Variants in LINGO2 observed in about 807,000 individuals in gnomAD.
The protein encoded by LINGO2 is leucine rich repeat and Ig domain containing 2.
LINGO2 carries 14 observed loss-of-function variants against 30.6 expected under a neutral mutation model. The ratio of observed to expected loss-of-function variants is 0.46; its 90% CI spans 0.30 to 0.72. The LOEUF is 0.72. Ranked by LOEUF, LINGO2 falls within the 30% of genes least tolerant of loss-of-function variation. The probability of loss-of-function intolerance (pLI) is 0.07; values close to 1 mark genes in which losing one functional copy is unlikely to be tolerated. For synonymous variants in LINGO2, 317 were observed against 288.5 expected (o/e 1.10, Z -1.00); for missense variants, 729 against 751.7 (o/e 0.97, Z 0.35).
intron 1 of LINGO2, among the ~76,000 whole-genome samples, chr9:28,631,830 T>G (rs978215635): frequency 6.6e-6 from 1 of 152,142 alleles, no homozygotes; most frequent in Non-Finnish European, 1.5e-5. Context: ...CACCTGTTAA[T>G]AAACTGGTGG....
At chr9:29,195,345 T>TTGTG in the LINGO2 span, among the ~76,000 whole-genome samples, 3 of 150,426 alleles carry the variant, frequency 2.0e-5, no homozygotes, top group African/African-American at 7.3e-5. Flanking sequence ...CACTTTAATA[T>TTGTG]TGTGTGTGTG....
intron 2 of LINGO2, among the ~76,000 whole-genome samples, chr9:28,380,257 AACAT>A (rs1821296657): frequency 1.3e-5 from 2 of 152,086 alleles, no homozygotes; most frequent in Non-Finnish European, 2.9e-5. Flanking sequence ...TGTACCTGGC[AACAT>A]ACAGATAAGA....
intron 1 of LINGO2, among the ~76,000 whole-genome samples, chr9:28,548,555 T>G (rs1822076121): frequency 6.6e-6 from 1 of 151,430 alleles, no homozygotes; most frequent in Admixed American, 6.6e-5. Flanking sequence ...AATACAAAAA[T>G]TAGCCAGGTG....
At chr9:28,820,906 A>T in the LINGO2 span, among the ~76,000 whole-genome samples, 1 of 152,200 alleles carries the variant, frequency 6.6e-6, no homozygotes, top group Non-Finnish European at 1.5e-5. Context: ...ACCCACACAC[A>T]CACTTGGTAA....
chr9:29,002,028 T>G, the LINGO2 span, among the ~76,000 whole-genome samples: 1 of 152,050 alleles, frequency 6.6e-6, no homozygotes, highest in Non-Finnish European at 1.5e-5. Flanking sequence ...CTTCTGTTTC[T>G]TATTTCTACA....
intron 1 of LINGO2, among the ~76,000 whole-genome samples, chr9:28,589,891 T>C (rs62560661): frequency 0.18 from 27,719 of 152,082 alleles, 2,858 homozygotes; most frequent in Admixed American, 0.29. Context: ...TCACACTACC[T>C]GACTTCAAAA....
the LINGO2 span, among the ~76,000 whole-genome samples, chr9:28,717,634 T>A: frequency 6.6e-6 from 1 of 152,168 alleles, no homozygotes; most frequent in Non-Finnish European, 1.5e-5. Flanking sequence ...TAGACACATA[T>A]AGAAACTAAT....
Position 27,968,540 on chromosome 9 carries a change from T to C in LINGO2, c.-35-17834A>G, listed in dbSNP as rs79824003. Among the ~76,000 whole-genome samples, 2,521 of 152,078 alleles carry C rather than the reference T, an allele frequency of 0.017. 127 individuals are homozygous for C. The East Asian group carries it at 0.19, about 11-fold the overall frequency. On this transcript the variant is annotated intron_variant, in intron 5 of 5. Transcript: ENST00000379992. ...AAAGGAAATATGCCAAACTTTAAAG[T>C]GTTAGATTGTGCTATAGGTATTAGT...
At chr9:28,839,582 A>G in the LINGO2 span, among the ~76,000 whole-genome samples, 4 of 152,148 alleles carry the variant, frequency 2.6e-5, no homozygotes, top group Non-Finnish European at 4.4e-5. Context: ...CACAATGGGT[A>G]GCTCCTTTCT....
chr9:29,119,885 TTTTC>T, the LINGO2 span, among the ~76,000 whole-genome samples: 1 of 152,108 alleles, frequency 6.6e-6, no homozygotes, highest in Non-Finnish European at 1.5e-5. Flanking sequence ...TTATACTTTG[TTTTC>T]AACCATAATA....
chr9:27,986,596 C>T (rs369753132), intron 5 of LINGO2, among the ~76,000 whole-genome samples: 3 of 151,870 alleles, frequency 2.0e-5, no homozygotes, highest in African/African-American at 7.2e-5. Flanking sequence ...TGCTCTTGCA[C>T]GAGAATGCAC....
chr9:27,960,219 T>C (rs974876645), intron 5 of LINGO2, among the ~76,000 whole-genome samples: 5 of 152,320 alleles, frequency 3.3e-5, no homozygotes, highest in Non-Finnish European at 5.9e-5. Flanking sequence ...TGTTAAAATC[T>C]GGTTGTTCTG....
intron 3 of LINGO2, among the ~76,000 whole-genome samples, chr9:28,346,696 A>G (rs1045651336): frequency 6.6e-6 from 1 of 151,958 alleles, no homozygotes; most frequent in Non-Finnish European, 1.5e-5. Context: ...CCTCATCAGC[A>G]TGTTATTTTT....
intron 4 of LINGO2, chr9:28,149,221 T>G (rs1587086485): frequency 9.7e-7 from 1 of 1,030,936 alleles, no homozygotes; most frequent in South Asian, 1.4e-5. Context: ...GCAGGCGTGG[T>G]GGCCCACGCC....
At chr9:28,861,749 T>G in the LINGO2 span, among the ~76,000 whole-genome samples, 1 of 151,952 alleles carries the variant, frequency 6.6e-6, no homozygotes, top group Non-Finnish European at 1.5e-5. Context: ...GGGCAACATA[T>G]GTTTTTTGTC....
At chr9:28,615,274 A>T (rs1481280948) in intron 1 of LINGO2, among the ~76,000 whole-genome samples, 2 of 152,170 alleles carry the variant, frequency 1.3e-5, no homozygotes, top group African/African-American at 4.8e-5. Context: ...CTAAATATTC[A>T]CTTAATATGT....
chr9:28,760,945 T>C, the LINGO2 span, among the ~76,000 whole-genome samples: 66,608 of 135,568 alleles, frequency 0.49, 17,885 homozygotes, highest in Non-Finnish European at 0.6. Context: ...TATATATATA[T>C]ACACACACAC....
intron 4 of LINGO2, among the ~76,000 whole-genome samples, chr9:28,275,352 C>T (rs543718988): frequency 9.2e-5 from 14 of 152,144 alleles, no homozygotes; most frequent in South Asian, 6.2e-4. Flanking sequence ...GGATTACAGG[C>T]GTGAGCCACC....
the LINGO2 span, among the ~76,000 whole-genome samples, chr9:28,852,425 ACC>A: frequency 6.6e-6 from 1 of 152,002 alleles, no homozygotes; most frequent in South Asian, 2.1e-4. Context: ...TAGAAGAGGC[ACC>A]AAAATATATT....
Sources: allele counts gnomAD v4.1 joint callset (sites outside exome capture counted in the v4.1 genomes callset), GRCh38; gene constraint gnomAD v4.1.1; transcripts MANE v1.5; gene names NCBI Gene and HGNC (gene_info 2026-07-23, HGNC 2026-07-21).